The following GABRD variants were observed in gnomAD, a reference collection of about 807,000 sequenced individuals.
The protein encoded by GABRD is gamma-aminobutyric acid type A receptor subunit delta.
In GABRD, 25 loss-of-function variants were observed where a neutral mutation model predicts 47.3. That is an observed-to-expected ratio of 0.53 (90% CI 0.39 to 0.74). GABRD has a LOEUF of 0.74. GABRD is among the 30% of genes least tolerant of loss of function. The pLI is 0.00. For missense variants in GABRD, 497 were observed against 643.4 expected (o/e 0.77, Z 2.46); for synonymous variants, 314 against 278.8 (o/e 1.13, Z -1.26).
Position 2,027,554 on chromosome 1 carries a change from C to T in GABRD, c.471-23C>T, listed in dbSNP as rs150102040. 5,772 of 1,605,902 alleles carry T rather than the reference C, an allele frequency of 3.6e-3. 18 individuals are homozygous for T. The highest frequency in any genetic ancestry group is 0.012 in the Middle Eastern group (74 of 6,048). ...AGGGCTGGCCTCACCCCCAAGGCCT[C>T]ACTGCCATGCTTGTCTTGGCAGAAT... On this transcript the variant is annotated intron_variant, in intron 4 of 8. Transcript: ENST00000378585.
At chr1:2,020,130 G>C (rs895438349) in intron 1 of GABRD, among the ~76,000 whole-genome samples, 1 of 152,192 alleles carries the variant, frequency 6.6e-6, no homozygotes, top group Non-Finnish European at 1.5e-5. Context: ...ACTATTTTGG[G>C]AGGGACTCCC....
In GABRD at chr1:2,028,539, C is replaced by T. The variant is rs28409373; in HGVS notation, c.691+247C>T. On this transcript the variant is annotated intron_variant, in intron 6 of 8. Transcript: ENST00000378585. The surrounding 1 kb of genome is among the most constrained non-coding windows in gnomAD (Gnocchi z 6.4). Reference sequence around the variant, plus strand: ...GCTTCCAGGCCTGCCATTGTGTGGGCGTGGGTCAGGCCTTCCCATCTCACT... The same window carrying T: ...GCTTCCAGGCCTGCCATTGTGTGGGTGTGGGTCAGGCCTTCCCATCTCACT... Among the ~76,000 whole-genome samples, 86,620 of 151,904 alleles carry T rather than the reference C, an allele frequency of 0.57. 25,169 individuals are homozygous for T. Among genetic ancestry groups the T allele is most frequent in the Non-Finnish European group, 0.59 (40,255 of 67,910 alleles).
At chr1:2,029,059 G>A in intron 6 of GABRD, 52 bp from the exon 7 acceptor site, 1 of 1,534,988 alleles carries the variant, frequency 6.5e-7, no homozygotes, top group Non-Finnish European at 8.7e-7. Context: ...GAGTCCCATG[G>A]TTGGGCTGGG....
Position 2,028,432 on chromosome 1 carries a change from G to GCC in GABRD, c.691+144_691+145dup, listed in dbSNP as rs1195700260. ...ATGCTTTTTAGTCAAGCGCCCGCAG[G>GCC]CCCCCAGGGCCTCTGGGGATGCAGC... On this transcript the variant is annotated intron_variant, in intron 6 of 8. Coordinates refer to ENST00000378585, the MANE Select transcript of GABRD (RefSeq NM_000815.5). This position sits in a 1 kb window ranked among gnomAD's most constrained non-coding sequence, Gnocchi z 6.4. 4.3e-6 allele frequency: 4 copies of GCC among 940,832 alleles called. No individual in the cohort carries two copies. The highest frequency in any genetic ancestry group is 5.7e-6 in the Non-Finnish European group (4 of 701,806). The allele number at this position is 940,832 out of a possible 1,614,324, so 58.3% of individuals were successfully genotyped here.
chr1:2,021,291 C>T (rs984709011), intron 1 of GABRD, among the ~76,000 whole-genome samples: 8 of 152,340 alleles, frequency 5.3e-5, no homozygotes, highest in Non-Finnish European at 8.8e-5. Context: ...CTGCTCTTGG[C>T]GTCTAGGGGC....
rs1254845343 is a variant in GABRD at position 2,025,583 on chromosome 1, C to T, written c.315C>T (p.Thr105=). 6.2e-7 allele frequency: 1 copy of T among 1,613,094 alleles called. No homozygotes were observed. Among genetic ancestry groups the T allele is most frequent in the South Asian group, 1.1e-5 (1 of 91,086 alleles). The change falls in exon 4 of 9, where the codon ACC becomes ACT. Residue 105 remains threonine, a synonymous_variant. Transcript: ENST00000378585. ...ACAGCAGGCTCTCCTACAACCACAC[C>T]AACGAGACCCTGGGTCTGGACAGCC... ...WRDSRLSYNH[T]NETLGLDSRF... is the part of the protein sequence containing the mutation.
intron 1 of GABRD, among the ~76,000 whole-genome samples, chr1:2,020,187 C>T (rs1658736595): frequency 6.6e-6 from 1 of 152,216 alleles, no homozygotes; most frequent in Admixed American, 6.5e-5. Context: ...GCTGGAGCCC[C>T]CTCTGGCCTA....
intron 7 of GABRD, 98 bp from the exon 8 acceptor site, chr1:2,029,453 G>T: frequency 3.9e-6 from 6 of 1,522,996 alleles, no homozygotes; most frequent in South Asian, 1.2e-5. Flanking sequence ...ATGGGGGTGG[G>T]GGGCAGCGGA....
chr1:2,029,844 TC>T, intron 8 of GABRD, 82 bp downstream of exon 8: 1 of 1,511,664 alleles, frequency 6.6e-7, no homozygotes, highest in Non-Finnish European at 9.2e-7. Context: ...CCACTGTGGG[TC>T]CCAGCTGTGC....
chr1:2,025,863 AG>A (rs899554874), intron 4 of GABRD, 125 bp downstream of exon 4: 128 of 717,524 alleles, frequency 1.8e-4, no homozygotes, highest in Middle Eastern at 1.2e-3. Flanking sequence ...GGGCGGGCGG[AG>A]GGGGGGGCAG....
In GABRD at chr1:2,024,663, G is replaced by A. The variant is rs1432298346; in HGVS notation, c.69-279G>A. ...CGCTGGGGGGCTCTGTCCAACCCAG[G>A]GCCACCTCCCTCAAAGCCAGGAGGG... On this transcript the variant is annotated intron_variant, in intron 1 of 8. Coordinates refer to ENST00000378585, the MANE Select transcript of GABRD (RefSeq NM_000815.5). 9 of 288,940 alleles carry A rather than the reference G, an allele frequency of 3.1e-5. No homozygotes were observed. In the East Asian group the frequency reaches 4.7e-4, roughly 15 times the overall value. 17.9% of individuals were successfully genotyped at this position (288,940 alleles called of 1,614,324 possible).
rs200692687 is a variant in GABRD at position 2,028,328 on chromosome 1, G to A, written c.691+36G>A. 154 of 1,580,736 alleles carry A rather than the reference G, an allele frequency of 9.7e-5. 1 individual carries two copies. The African/African-American group carries it at 1.7e-3, about 17-fold the overall frequency. On this transcript the variant is annotated intron_variant, in intron 6 of 8. Coordinates refer to ENST00000378585, the MANE Select transcript of GABRD (RefSeq NM_000815.5). The surrounding 1 kb of genome is among the most constrained non-coding windows in gnomAD (Gnocchi z 6.4). ...CCCGCCGCCCCTTCCGCATGTGCCC[G>A]CCGCCCCTTCCGCGCGCGCCCACCG...
chr1:2,021,142 C>T (rs1432384226), intron 1 of GABRD, among the ~76,000 whole-genome samples: 2 of 152,218 alleles, frequency 1.3e-5, no homozygotes, highest in African/African-American at 2.4e-5. Context: ...TTGGGGAGGA[C>T]ACCTTGCCTG....
At chr1:2,027,107 G>T in intron 4 of GABRD, 1 of 265,128 alleles carries the variant, frequency 3.8e-6, no homozygotes, top group Non-Finnish European at 7.3e-6. Flanking sequence ...AGGCTGTAGT[G>T]AGTCAAGATT....
In GABRD at chr1:2,028,309, G is replaced by A. The variant is rs529740775; in HGVS notation, c.691+17G>A. ...TCAAGTCCGGTAACATATGCCCGCC[G>A]CCCCTTCCGCATGTGCCCGCCGCCC... On this transcript the variant is annotated intron_variant, in intron 6 of 8. Coordinates refer to ENST00000378585, the MANE Select transcript of GABRD (RefSeq NM_000815.5). The surrounding 1 kb of genome is among the most constrained non-coding windows in gnomAD (Gnocchi z 6.4). The A allele has an allele frequency of 5.0e-6, 8 of 1,600,526 alleles. No homozygotes were observed. Among genetic ancestry groups the A allele is most frequent in the South Asian group, 3.3e-5 (3 of 90,328 alleles).
chr1:2,027,440 A>G (rs896011418), intron 4 of GABRD, 137 bp from the exon 5 acceptor site: 4 of 730,672 alleles, frequency 5.5e-6, no homozygotes, highest in Non-Finnish European at 9.9e-6. Flanking sequence ...GTTTACCTGG[A>G]TTCTGGGCAA....
chr1:2,027,726 G>A (rs559125904), intron 5 of GABRD, 67 bp downstream of exon 5: 33 of 1,412,942 alleles, frequency 2.3e-5, no homozygotes, highest in East Asian at 1.9e-4. Flanking sequence ...CTGTCAGCCC[G>A]GGGCCTGGAC....
In GABRD at chr1:2,028,966, A is replaced by G. The variant is rs1659007774; in HGVS notation, c.692-145A>G. 4 of 1,002,820 alleles carry G rather than the reference A, an allele frequency of 4.0e-6. No individual in the cohort carries two copies. Among genetic ancestry groups the G allele is most frequent in the Admixed American group, 2.8e-5 (1 of 36,044 alleles). 62.1% of individuals were successfully genotyped at this position (1,002,820 alleles called of 1,614,324 possible). A position where few individuals can be genotyped will look rare whatever the true frequency, so the allele number is the denominator to read the frequency against. ...CGGAGGCCCCCTGACATTTCAGGCC[A>G]TGTGGTTGGTGGGGAGGGCAGGGGT... On this transcript the variant is annotated intron_variant, in intron 6 of 8. Transcript: ENST00000378585. The surrounding 1 kb of genome is among the most constrained non-coding windows in gnomAD (Gnocchi z 6.4).
Position 2,025,592 on chromosome 1 carries a change from C to T in GABRD, c.324C>T (p.Thr108=). Residue 108 remains threonine, a synonymous_variant, in exon 4 of 9, where the codon ACC becomes ACT. Coordinates refer to ENST00000378585, the MANE Select transcript of GABRD (RefSeq NM_000815.5). ...TCTCCTACAACCACACCAACGAGAC[C>T]CTGGGTCTGGACAGCCGCTTCGTGG... The part of the protein sequence containing the change: ...SRLSYNHTNE[T]LGLDSRFVDK... 11 of 1,613,078 alleles carry T rather than the reference C, an allele frequency of 6.8e-6. No homozygotes were observed. Among genetic ancestry groups the T allele is most frequent in the Non-Finnish European group, 9.3e-6 (11 of 1,180,002 alleles).
Sources: allele counts gnomAD v4.1 joint callset (sites outside exome capture counted in the v4.1 genomes callset), GRCh38; gene constraint gnomAD v4.1.1; non-coding constraint Gnocchi (gnomAD v3.1); transcripts MANE v1.5; gene names NCBI Gene and HGNC (gene_info 2026-07-23, HGNC 2026-07-21).